The following IQCJ variants were observed in gnomAD, a reference collection of about 807,000 sequenced individuals.
The protein encoded by IQCJ is IQ motif containing J.
In IQCJ, 9 loss-of-function variants were observed where a neutral mutation model predicts 11.0. The ratio of observed to expected loss-of-function variants is 0.82; its 90% CI spans 0.49 to 1.43. The LOEUF (loss-of-function observed/expected upper bound fraction) is 1.43, where lower values mean the gene tolerates loss of function less well. Among genes scored for constraint, IQCJ ranks in the 40% most tolerant of loss-of-function variants. The pLI, the probability that IQCJ is intolerant of heterozygous loss-of-function variation, is 0.00. For synonymous variants in IQCJ, 55 were observed against 51.3 expected, an observed-to-expected ratio of 1.07 and a Z score of -0.31; for missense variants, 146 against 133.2, an observed-to-expected ratio of 1.10 and a Z score of -0.47.
At chr3:159,174,348 T>C (rs1722656662) in intron 1 of IQCJ, among the ~76,000 whole-genome samples, 1 of 152,134 alleles carries the variant, frequency 6.6e-6, no homozygotes, top group Non-Finnish European at 1.5e-5. Flanking sequence ...TAAAAATAGC[T>C]TTGAAAATTA....
At chr3:159,238,677 G>A (rs552321765) in intron 1 of IQCJ, among the ~76,000 whole-genome samples, 1 of 152,286 alleles carries the variant, frequency 6.6e-6, no homozygotes, top group South Asian at 2.1e-4. Context: ...TTTCTTTTTG[G>A]GTTAGAAATA....
chr3:159,105,174 T>TA (rs1718174298), intron 1 of IQCJ, among the ~76,000 whole-genome samples: 2 of 152,152 alleles, frequency 1.3e-5, no homozygotes, highest in Non-Finnish European at 1.5e-5. Context: ...AAAGATAAAA[T>TA]AAATTGTTAA....
chr3:159,192,167 A>G (rs998809903), intron 1 of IQCJ, among the ~76,000 whole-genome samples: 2 of 152,174 alleles, frequency 1.3e-5, no homozygotes, highest in African/African-American at 2.4e-5. Flanking sequence ...CTTGTTGGTA[A>G]AAATCAGAAT....
intron 1 of IQCJ, among the ~76,000 whole-genome samples, chr3:159,127,598 TTA>T (rs1474886783): frequency 6.6e-6 from 1 of 152,150 alleles, no homozygotes; most frequent in African/African-American, 2.4e-5. Context: ...TTCACATGAT[TTA>T]TGTTTATTAA....
At chr3:159,105,616 T>C (rs1718208414) in intron 1 of IQCJ, among the ~76,000 whole-genome samples, 1 of 152,040 alleles carries the variant, frequency 6.6e-6, no homozygotes, top group Non-Finnish European at 1.5e-5. Flanking sequence ...GGTCAGGACA[T>C]TTGAATAAAG....
chr3:159,218,599 T>C (rs978455548), intron 1 of IQCJ, among the ~76,000 whole-genome samples: 3 of 152,120 alleles, frequency 2.0e-5, no homozygotes, highest in African/African-American at 7.2e-5. Context: ...TGAAACTCCA[T>C]AGGTGACCAG....
At chr3:159,146,653 C>T (rs1189220572) in intron 1 of IQCJ, among the ~76,000 whole-genome samples, 2 of 151,994 alleles carry the variant, frequency 1.3e-5, no homozygotes, top group East Asian at 3.9e-4. Context: ...TCTGTCAGGG[C>T]AAAACAACTT....
chr3:159,126,276 A>G (rs1475018694), intron 1 of IQCJ, among the ~76,000 whole-genome samples: 1 of 152,202 alleles, frequency 6.6e-6, no homozygotes, highest in Non-Finnish European at 1.5e-5. Context: ...TTGCTCATCT[A>G]AAAAGCAGGG....
chr3:159,129,419 A>G (rs1719867044), intron 1 of IQCJ, among the ~76,000 whole-genome samples: 1 of 152,184 alleles, frequency 6.6e-6, no homozygotes, highest in African/African-American at 2.4e-5. Flanking sequence ...AATATATTCC[A>G]TTATTTGTAA....
intron 1 of IQCJ, among the ~76,000 whole-genome samples, chr3:159,160,001 T>C (rs1031250470): frequency 1.3e-4 from 20 of 152,182 alleles, no homozygotes; most frequent in African/African-American, 4.8e-4. Context: ...TCATTATAAA[T>C]TACCCATCCT....
intron 1 of IQCJ, among the ~76,000 whole-genome samples, chr3:159,163,331 T>TA (rs1314179573): frequency 5.3e-5 from 8 of 152,176 alleles, no homozygotes; most frequent in Non-Finnish European, 2.9e-5. Context: ...ACCACATGAC[T>TA]ATCTCAATAG....
chr3:159,182,789 T>TC (rs1723175544), intron 1 of IQCJ, among the ~76,000 whole-genome samples: 1 of 151,876 alleles, frequency 6.6e-6, no homozygotes, highest in East Asian at 1.9e-4. Flanking sequence ...TTATTTTTTT[T>TC]CACAATGCTT....
At chr3:159,091,579 A>T (rs1717286613) in intron 1 of IQCJ, among the ~76,000 whole-genome samples, 1 of 151,476 alleles carries the variant, frequency 6.6e-6, no homozygotes, top group Non-Finnish European at 1.5e-5. Context: ...GGACACAAAC[A>T]TTCAGACCAT....
intron 1 of IQCJ, among the ~76,000 whole-genome samples, chr3:159,238,331 A>C (rs1726716070): frequency 6.6e-6 from 1 of 152,184 alleles, no homozygotes; most frequent in South Asian, 2.1e-4. Context: ...CTAATAGATA[A>C]AGTCCAAAAT....
intron 1 of IQCJ, among the ~76,000 whole-genome samples, chr3:159,222,173 G>T (rs1310037423): frequency 6.6e-6 from 1 of 152,098 alleles, no homozygotes; most frequent in Non-Finnish European, 1.5e-5. Flanking sequence ...AATGAAATCA[G>T]TGCCTCAAAG....
chr3:159,085,380 A>G (rs886748324), intron 1 of IQCJ, among the ~76,000 whole-genome samples: 3 of 152,180 alleles, frequency 2.0e-5, no homozygotes, highest in South Asian at 2.1e-4. Context: ...ATAAACATAC[A>G]TGTGCATGTG....
At position 159,247,829 on chromosome 3, in the gene IQCJ, G is replaced by T. The variant is rs61795190; in HGVS notation, c.74+1922G>T. ...TTTATGGCTTGCATCATGGAAGAAA[G>T]AGGGACAGGGACAGAAGGGCAAGAG... On this transcript the variant is annotated intron_variant, in intron 2 of 3. Transcript: ENST00000397832. Among the ~76,000 whole-genome samples, 1,464 of 152,272 alleles carry T rather than the reference G, an allele frequency of 9.6e-3. 14 individuals are homozygous for T. The highest frequency in any genetic ancestry group is 0.014 in the African/African-American group (571 of 41,558).
At chr3:159,176,300 G>A (rs909561252) in intron 1 of IQCJ, among the ~76,000 whole-genome samples, 13 of 151,716 alleles carry the variant, frequency 8.6e-5, no homozygotes, top group Admixed American at 2.0e-4. Flanking sequence ...TCTAGTTTTA[G>A]TTTGTTATTA....
Position 159,162,983 on chromosome 3 carries a change from C to G in IQCJ, c.10-82860C>G, listed in dbSNP as rs1157217759. ...GACCAGATGGATTCACAGCCGAATT[C>G]TACCAGAGGTACAAGGAGGAACTGG... On this transcript the variant is annotated intron_variant, in intron 1 of 3. Coordinates refer to ENST00000397832, the MANE Select transcript of IQCJ (RefSeq NM_001042706.3). Among the ~76,000 whole-genome samples the G allele has an allele frequency of 2.0e-5, 3 of 152,186 alleles. No homozygotes were observed. The East Asian group carries it at 5.8e-4, about 29-fold the overall frequency.
Sources: gnomAD v4.1 joint callset for allele counts (sites outside exome capture counted in the v4.1 genomes callset) on GRCh38, gnomAD v4.1.1 for gene constraint, MANE v1.5 for transcripts, NCBI Gene and HGNC (gene_info 2026-07-23, HGNC 2026-07-21) for gene names.